Variants in COL4A4 observed in about 807,000 individuals in gnomAD.
COL4A4 encodes the protein collagen alpha-4(IV) chain.
Under a neutral mutation model 192.9 loss-of-function variants are expected in COL4A4, and 105 were observed. The ratio of observed to expected loss-of-function variants is 0.54; its 90% CI spans 0.46 to 0.64. COL4A4 has a LOEUF of 0.64. Ranked by LOEUF, COL4A4 falls within the 30% of genes least tolerant of loss-of-function variation. The pLI is 0.00. For synonymous variants in COL4A4, 762 were observed against 769.9 expected (o/e 0.99, Z 0.17); for missense variants, 1,967 against 2,169.3 (o/e 0.91, Z 1.85).
the COL4A4 span, among the ~76,000 whole-genome samples, chr2:226,987,908 C>T: frequency 6.6e-6 from 1 of 152,184 alleles, no homozygotes; most frequent in Non-Finnish European, 1.5e-5. Flanking sequence ...ACAGGTTCTT[C>T]ATTTCTGTGC....
chr2:227,031,838 G>A (rs1214102306), intron 40 of COL4A4, 107 bp downstream of exon 40: 2 of 839,740 alleles, frequency 2.4e-6, no homozygotes, highest in East Asian at 2.6e-5. Context: ...CTGATGGGGG[G>A]CTGCTTCAGT....
chr2:227,151,294 T>G (rs1375336238), intron 1 of COL4A4, among the ~76,000 whole-genome samples: 1 of 152,206 alleles, frequency 6.6e-6, no homozygotes, highest in Non-Finnish European at 1.5e-5. Flanking sequence ...ATTATAATTA[T>G]TAGTAGTATA....
At chr2:227,049,181 C>T (rs1001146891) in intron 34 of COL4A4, among the ~76,000 whole-genome samples, 1 of 152,154 alleles carries the variant, frequency 6.6e-6, no homozygotes, top group African/African-American at 2.4e-5. Flanking sequence ...GATAGTAAAA[C>T]TATTAAAGGT....
chr2:227,158,360 A>G (rs922072615), intron 1 of COL4A4, among the ~76,000 whole-genome samples: 3 of 152,168 alleles, frequency 2.0e-5, no homozygotes, highest in African/African-American at 7.2e-5. Context: ...CATTGAGGTA[A>G]AAGTAACAAT....
At chr2:227,104,258 A>G in intron 12 of COL4A4, 4 of 577,762 alleles carry the variant, frequency 6.9e-6, no homozygotes, top group Non-Finnish European at 1.2e-5. Context: ...AAATTTAAAA[A>G]ATGAAAATGA....
intron 25 of COL4A4, among the ~76,000 whole-genome samples, chr2:227,074,706 G>T (rs1376536240): frequency 6.6e-6 from 1 of 152,138 alleles, no homozygotes; most frequent in Non-Finnish European, 1.5e-5. Context: ...AAAAAACATG[G>T]AATACTACTC....
chr2:226,995,510 C>G, the COL4A4 span: 46 of 1,609,888 alleles, frequency 2.9e-5, no homozygotes, highest in Middle Eastern at 3.3e-4. Context: ...TTCACAGATT[C>G]GATAGCCAGT....
At chr2:227,077,809 CACCACTA>C in intron 25 of COL4A4, 78 bp downstream of exon 25, 1 of 1,249,460 alleles carries the variant, frequency 8.0e-7, no homozygotes, top group Non-Finnish European at 1.1e-6. Context: ...TCTCAGAATT[CACCACTA>C]TATAATTCTT....
At chr2:227,094,580 C>T (rs754480216) in intron 19 of COL4A4, among the ~76,000 whole-genome samples, 2 of 152,042 alleles carry the variant, frequency 1.3e-5, no homozygotes, top group Non-Finnish European at 2.9e-5. Context: ...TCAAAGGGTA[C>T]AAAGTCTTAG....
At chr2:227,119,991 C>A in intron 5 of COL4A4, 52 bp from the exon 6 acceptor site, 2 of 1,322,542 alleles carry the variant, frequency 1.5e-6, no homozygotes. Flanking sequence ...AATTAATAAG[C>A]TGATTTACTT....
chr2:227,056,436 C>T (rs1455676446), intron 29 of COL4A4, among the ~76,000 whole-genome samples: 1 of 152,000 alleles, frequency 6.6e-6, no homozygotes, highest in African/African-American at 2.4e-5. Context: ...TAGAAGAAAA[C>T]TTTCCAGGTT....
At chr2:227,125,214 GT>G (rs1225619818) in intron 4 of COL4A4, among the ~76,000 whole-genome samples, 1 of 149,690 alleles carries the variant, frequency 6.7e-6, no homozygotes, top group African/African-American at 2.5e-5. Flanking sequence ...TTTTTTTTTT[GT>G]TTTTTTTCTT....
At chr2:227,151,710 A>C (rs745681752) in intron 1 of COL4A4, among the ~76,000 whole-genome samples, 1 of 152,154 alleles carries the variant, frequency 6.6e-6, no homozygotes, top group Non-Finnish European at 1.5e-5. Flanking sequence ...CTGGGACGCA[A>C]TTAGGTCATG....
At chr2:226,975,268 C>T in the COL4A4 span, among the ~76,000 whole-genome samples, 1 of 152,128 alleles carries the variant, frequency 6.6e-6, no homozygotes, top group South Asian at 2.1e-4. Flanking sequence ...TTGTGGTACT[C>T]ATTTCACTAC....
the COL4A4 span, among the ~76,000 whole-genome samples, chr2:226,989,346 A>G: frequency 1.2e-4 from 19 of 152,214 alleles, no homozygotes; most frequent in Non-Finnish European, 5.9e-5. Flanking sequence ...AAAAATCTAT[A>G]GTTAGAAATC....
intron 44 of COL4A4, among the ~76,000 whole-genome samples, chr2:227,021,543 G>A (rs1966004783): frequency 1.3e-5 from 2 of 152,104 alleles, no homozygotes; most frequent in African/African-American, 2.4e-5. Context: ...TAGAAAGGAT[G>A]GGCCAGGTGC....
At chr2:226,979,128 A>T in the COL4A4 span, among the ~76,000 whole-genome samples, 1 of 152,062 alleles carries the variant, frequency 6.6e-6, no homozygotes, top group Non-Finnish European at 1.5e-5. Flanking sequence ...AACAAAGGAA[A>T]CCTGCAGCGC....
At chr2:227,044,957 T>C (rs1358415044) in intron 35 of COL4A4, among the ~76,000 whole-genome samples, 1 of 152,202 alleles carries the variant, frequency 6.6e-6, no homozygotes, top group Non-Finnish European at 1.5e-5. Flanking sequence ...CAGGCAAATT[T>C]GGCCAAGGCA....
At chr2:227,137,754 G>A (rs1033735736) in intron 4 of COL4A4, among the ~76,000 whole-genome samples, 1 of 152,030 alleles carries the variant, frequency 6.6e-6, no homozygotes, top group African/African-American at 2.4e-5. Flanking sequence ...TTTGTTTTGG[G>A]GTCGGCTCAT....
Sources: gnomAD v4.1 joint callset for allele counts (sites outside exome capture counted in the v4.1 genomes callset) on GRCh38, gnomAD v4.1.1 for gene constraint, MANE v1.5 for transcripts, NCBI Gene and HGNC (gene_info 2026-07-23, HGNC 2026-07-21) for gene names.